Variants in SEMA5B observed in about 807,000 individuals in gnomAD.
SEMA5B encodes semaphorin 5B.
Under a neutral mutation model 135.0 loss-of-function variants are expected in SEMA5B, and 66 were observed. That is an observed-to-expected ratio of 0.49 (90% CI 0.40 to 0.60). The LOEUF (loss-of-function observed/expected upper bound fraction) is 0.60, where lower values mean the gene tolerates loss of function less well. SEMA5B is among the 20% of genes least tolerant of loss of function. The pLI, the probability that SEMA5B is intolerant of heterozygous loss-of-function variation, is 0.00. For missense variants in SEMA5B, 1,501 were observed against 1,566.3 expected (o/e 0.96, Z 0.70); for synonymous variants, 690 against 639.5 (o/e 1.08, Z -1.19).
chr3:123,026,401 C>T (rs1942799938), intron 1 of SEMA5B, among the ~76,000 whole-genome samples: 1 of 141,260 alleles, frequency 7.1e-6, no homozygotes, highest in Non-Finnish European at 1.6e-5. Context: ...CCACTCCCGC[C>T]TGGCGCGGCG....
chr3:122,993,033 G>A (rs1941925235), intron 1 of SEMA5B: 1 of 152,468 alleles, frequency 6.6e-6, no homozygotes, highest in South Asian at 2.1e-4. Flanking sequence ...CTGATGAGGA[G>A]TTCTCAGTCC....
At chr3:122,947,316 G>A (rs1346795818) in intron 3 of SEMA5B, among the ~76,000 whole-genome samples, 4 of 152,072 alleles carry the variant, frequency 2.6e-5, no homozygotes, top group East Asian at 1.9e-4. Context: ...ACAAGACAGC[G>A]CCGAGAAGAC....
At chr3:122,913,814 G>C (rs535420789) in intron 15 of SEMA5B, 44 bp downstream of exon 15, 1 of 1,567,220 alleles carries the variant, frequency 6.4e-7, no homozygotes, top group Non-Finnish European at 8.7e-7. Flanking sequence ...TTTCTGGGGG[G>C]CCCGGTTAGT....
At chr3:122,983,809 T>C (rs1434233506) in intron 1 of SEMA5B, among the ~76,000 whole-genome samples, 1 of 148,444 alleles carries the variant, frequency 6.7e-6, no homozygotes, top group African/African-American at 2.5e-5. Context: ...GGGCAGGACC[T>C]GCTTGACCAG....
chr3:122,998,418 A>C (rs1240639853), intron 1 of SEMA5B, among the ~76,000 whole-genome samples: 2 of 152,162 alleles, frequency 1.3e-5, no homozygotes, highest in African/African-American at 4.8e-5. Context: ...CACTGCTCTG[A>C]GCCTCCACTT....
intron 2 of SEMA5B, among the ~76,000 whole-genome samples, chr3:122,957,484 G>A (rs897034842): frequency 2.0e-5 from 3 of 152,224 alleles, no homozygotes; most frequent in African/African-American, 7.2e-5. Context: ...GGCCGACAAG[G>A]AGGTCCTCTC....
chr3:122,966,104 C>T (rs78195534), intron 1 of SEMA5B, among the ~76,000 whole-genome samples: 5,388 of 152,256 alleles, frequency 0.035, 304 homozygotes, highest in African/African-American at 0.12. Flanking sequence ...ACACCTCTCC[C>T]CTTTAGAAGT....
intron 3 of SEMA5B, among the ~76,000 whole-genome samples, chr3:122,944,307 T>A (rs917545699): frequency 1.3e-5 from 2 of 152,198 alleles, no homozygotes; most frequent in Non-Finnish European, 2.9e-5. Context: ...CTGTTCTCCC[T>A]TGATGGAACA....
chr3:123,010,884 C>G (rs1942424941), intron 1 of SEMA5B, among the ~76,000 whole-genome samples: 1 of 150,436 alleles, frequency 6.6e-6, no homozygotes, highest in Admixed American at 6.6e-5. Context: ...GGTGTATTAT[C>G]TGGGACTCAC....
At chr3:122,981,776 T>C (rs1941528102) in intron 1 of SEMA5B, among the ~76,000 whole-genome samples, 1 of 152,204 alleles carries the variant, frequency 6.6e-6, no homozygotes, top group Non-Finnish European at 1.5e-5. Flanking sequence ...GCACTTGAGA[T>C]AGACAGAATC....
intron 1 of SEMA5B, among the ~76,000 whole-genome samples, chr3:122,990,115 T>C (rs535470990): frequency 1.6e-4 from 24 of 152,266 alleles, no homozygotes; most frequent in African/African-American, 5.3e-4. Context: ...GATTAAGAGA[T>C]GATTTGTTGG....
At position 122,915,487 on chromosome 3, in the gene SEMA5B, C is replaced by T. The variant is rs762916071; in HGVS notation, c.1941G>A (p.Gly647=). 1.2e-6 allele frequency: 2 copies of T among 1,613,498 alleles called. No individual in the cohort carries two copies. The highest frequency in any genetic ancestry group is 1.7e-6 in the Non-Finnish European group (2 of 1,179,802). Residue 647 remains glycine (G), a synonymous_variant, in exon 14 of 23, where the codon GGG becomes GGA. Transcript: ENST00000357599. ...RSCDSPRPRC[G]GLDCLGPAIH... The stretch of plus-strand genomic sequence containing the variant: ...TGGCTGGCCCCAGGCAGTCAAGGCC[C>T]CCACAGCGGGGTCGAGGGGAATCAC...
chr3:122,967,283 G>A (rs1576375083), intron 1 of SEMA5B, among the ~76,000 whole-genome samples: 2 of 152,234 alleles, frequency 1.3e-5, no homozygotes, highest in South Asian at 4.2e-4. Flanking sequence ...TAGATTTTAG[G>A]GTGGTGAAGG....
chr3:122,930,089 A>G (rs1335469050), intron 5 of SEMA5B, among the ~76,000 whole-genome samples: 39 of 152,224 alleles, frequency 2.6e-4, no homozygotes, highest in Admixed American at 2.5e-3. Flanking sequence ...GGGAAAAAAA[A>G]GAGCCCACCT....
chr3:122,994,423 T>C (rs905772405), intron 1 of SEMA5B, among the ~76,000 whole-genome samples: 2 of 152,182 alleles, frequency 1.3e-5, no homozygotes, highest in African/African-American at 2.4e-5. Flanking sequence ...TCTCAACGAG[T>C]ACAAAAGTGA....
At chr3:123,008,751 C>G (rs914825634) in intron 1 of SEMA5B, among the ~76,000 whole-genome samples, 1 of 152,150 alleles carries the variant, frequency 6.6e-6, no homozygotes, top group Non-Finnish European at 1.5e-5. Context: ...GGAGAAGGAC[C>G]AAATTGGGCC....
At position 122,913,073 on chromosome 3, in the gene SEMA5B, C is replaced by A. The variant is rs780900461; in HGVS notation, c.2507-12G>T. 1 of 1,452,092 alleles carries A rather than the reference C, an allele frequency of 6.9e-7. No individual in the cohort carries two copies. Among genetic ancestry groups the A allele is most frequent in the Non-Finnish European group, 9.0e-7 (1 of 1,107,212 alleles). 90.0% of individuals were successfully genotyped at this position (1,452,092 alleles called of 1,614,324 possible). On this transcript the variant is annotated splice_polypyrimidine_tract_variant and intron_variant, in intron 17 of 22. Transcript: ENST00000357599. ...GACCTCCACCAGGGCTGCGGAGGGG[C>A]TAGGCCTCAGCGACTGGGCGCCCGG...
Position 122,979,010 on chromosome 3 carries a change from G to A in SEMA5B, c.-38-17709C>T, listed in dbSNP as rs548629045. ...CTGCCCTGTGAGCCATCGCACAGTG[G>A]CTCCGAAGGCGGTTCAGAGAGGGAG... On this transcript the variant is annotated intron_variant, in intron 1 of 22. Coordinates refer to ENST00000357599, the MANE Select transcript of SEMA5B (RefSeq NM_001031702.4). Among the ~76,000 whole-genome samples, 192 of 152,278 alleles carry A rather than the reference G, an allele frequency of 1.3e-3. 2 individuals are homozygous for A. The highest frequency in any genetic ancestry group is 4.4e-3 in the African/African-American group (181 of 41,562).
At chr3:122,993,185 G>A (rs1036332554) in intron 1 of SEMA5B, 1 of 152,346 alleles carries the variant, frequency 6.6e-6, no homozygotes, top group Non-Finnish European at 1.5e-5. Flanking sequence ...CCGCAGAAAA[G>A]CAGGACACAA....
Sources: gnomAD v4.1 joint callset for allele counts (sites outside exome capture counted in the v4.1 genomes callset) on GRCh38, gnomAD v4.1.1 for gene constraint, MANE v1.5 for transcripts, NCBI Gene and HGNC (gene_info 2026-07-23, HGNC 2026-07-21) for gene names.